Variants in CREBZF observed in about 807,000 individuals in gnomAD.
The protein encoded by CREBZF is HCF-binding transcription factor Zhangfei.
CREBZF carries 8 observed loss-of-function variants against 21.1 expected under a neutral mutation model. That is an observed-to-expected ratio of 0.38 (90% confidence interval 0.22 to 0.68). CREBZF has a LOEUF of 0.68. CREBZF is among the 30% of genes least tolerant of loss of function. The probability of loss-of-function intolerance (pLI) is 0.51; values close to 1 mark genes in which losing one functional copy is unlikely to be tolerated. For missense variants in CREBZF, 518 were observed against 484.3 expected, an observed-to-expected ratio of 1.07 and a Z score of -0.65; for synonymous variants, 270 against 223.3, an observed-to-expected ratio of 1.21 and a Z score of -1.86.
Position 85,664,484 on chromosome 11 carries a change from G to A in CREBZF, c.392C>T (p.Ser131Phe), listed in dbSNP as rs771882684. The A allele has an allele frequency of 1.9e-6, 3 of 1,613,734 alleles. No individual in the cohort carries two copies. Among genetic ancestry groups the A allele is most frequent in the Admixed American group, 3.3e-5 (2 of 60,014 alleles). ...GCTATCCGAGCCTCCGCCAGACGAG[G>A]AGAGAGGCCCCGGCGAGCTAAGCCC... ...DPGLSSPGPL[S>F]SSGGGSDSGG... The change falls in exon 1 of 1, where the codon TCC becomes TTC. Residue 131 changes from serine (S) to phenylalanine (F), a missense_variant. Transcript: ENST00000527447. The surrounding 1 kb of genome is among the most constrained non-coding windows in gnomAD (Gnocchi z 5.5).
At chr11:85,673,160 T>G (rs2082923222) in intron 1 of CREBZF, among the ~76,000 whole-genome samples, 3 of 152,300 alleles carry the variant, frequency 2.0e-5, no homozygotes, top group Admixed American at 1.3e-4. Flanking sequence ...TGAATCCAAG[T>G]CTATCAGATC....
In CREBZF at chr11:85,662,520, C is replaced by CAAA. The variant is rs1182259217; in HGVS notation, c.*1290_*1291insTTT. On this transcript the variant is annotated 3_prime_UTR_variant, in exon 1 of 1. Coordinates refer to ENST00000527447, the MANE Select transcript of CREBZF (RefSeq NM_001039618.4). ...TATACTTTATCAAGCAGTGATGTTTCACAAAGAATTTCTTAATGCCTCTTA... is the reference window on the plus strand; with the variant it reads ...TATACTTTATCAAGCAGTGATGTTTCAAAACAAAGAATTTCTTAATGCCTCTTA... The CAAA allele has an allele frequency of 8.7e-6, 6 of 685,738 alleles. No individual in the cohort carries two copies. The highest frequency in any genetic ancestry group is 1.8e-5 in the African/African-American group (1 of 56,072). The allele number at this position is 685,738 out of a possible 1,614,324, so 42.5% of individuals were successfully genotyped here. A position where few individuals can be genotyped will look rare whatever the true frequency, so the allele number is the denominator to read the frequency against.
At chr11:85,665,388 A>C (rs1350537947), upstream of CREBZF, among the ~76,000 whole-genome samples, 1 of 151,680 alleles carries the variant, frequency 6.6e-6, no homozygotes, top group African/African-American at 2.4e-5. Flanking sequence ...TTTTTTGCTG[A>C]ATCATCCTAA....
intron 1 of CREBZF, among the ~76,000 whole-genome samples, chr11:85,676,970 C>CTTTTTTTTTTTTT (rs1422368391): frequency 0.14 from 16,597 of 116,254 alleles, 1,987 homozygotes; most frequent in African/African-American, 0.22. Flanking sequence ...CTTTTTCTGT[C>CTTTTTTTTTTTTT]TTTTTTTTTT....
Position 85,663,237 on chromosome 11 carries a change from C to G in CREBZF, c.*574G>C, listed in dbSNP as rs1000515093. On this transcript the variant is annotated 3_prime_UTR_variant, in exon 1 of 1. Coordinates refer to ENST00000527447, the MANE Select transcript of CREBZF (RefSeq NM_001039618.4). ...GCAGGTTTCAGTGTACAGTTGGAACCGATGTCATCCAAGGCCATGTCCACA... is the reference window on the plus strand; with the variant it reads ...GCAGGTTTCAGTGTACAGTTGGAACGGATGTCATCCAAGGCCATGTCCACA... 1 of 451,626 alleles carries G rather than the reference C, an allele frequency of 2.2e-6. No homozygotes were observed. Among genetic ancestry groups the G allele is most frequent in the East Asian group, 3.9e-5 (1 of 25,782 alleles). 28.0% of individuals were successfully genotyped at this position (451,626 alleles called of 1,614,324 possible). A position where few individuals can be genotyped will look rare whatever the true frequency, so the allele number is the denominator to read the frequency against.
rs1256999208 is a variant in CREBZF at position 85,662,575 on chromosome 11, C to CGTAT, written c.*1235_*1236insATAC. The CGTAT allele has an allele frequency of 8.7e-6, 5 of 574,654 alleles. No homozygotes were observed. Among genetic ancestry groups the CGTAT allele is most frequent in the Non-Finnish European group, 1.6e-5 (5 of 313,174 alleles). 35.6% of individuals were successfully genotyped at this position (574,654 alleles called of 1,614,324 possible). ...GAAGGACACCATAATTCAATTTATA[C>CGTAT]AACTGGTTAATAGATTCAAGGGAAT... On this transcript the variant is annotated 3_prime_UTR_variant, in exon 1 of 1. Transcript: ENST00000527447.
intron 1 of CREBZF, chr11:85,682,602 C>CACA: frequency 2.9e-6 from 1 of 346,462 alleles, no homozygotes; most frequent in Non-Finnish European, 4.9e-6. Context: ...ACCCCCTGCC[C>CACA]TACTCCCCCC....
intron 1 of CREBZF, among the ~76,000 whole-genome samples, chr11:85,674,922 A>G (rs570963641): frequency 6.6e-6 from 1 of 152,306 alleles, no homozygotes; most frequent in African/African-American, 2.4e-5. Flanking sequence ...AAACCTCATG[A>G]ACCAACCTCT....
At chr11:85,679,739 A>G (rs2082964539) in intron 1 of CREBZF, among the ~76,000 whole-genome samples, 1 of 152,232 alleles carries the variant, frequency 6.6e-6, no homozygotes, top group African/African-American at 2.4e-5. Context: ...ATGTGGTTGA[A>G]CATTTGTGGA....
intron 1 of CREBZF, among the ~76,000 whole-genome samples, chr11:85,679,275 C>T (rs966192680): frequency 2.0e-5 from 3 of 152,190 alleles, no homozygotes; most frequent in Admixed American, 6.5e-5. Flanking sequence ...GCTGGAGGAA[C>T]CTGCTATGCA....
Position 85,664,528 on chromosome 11 carries a change from C to T in CREBZF, c.348G>A (p.Pro116=), listed in dbSNP as rs768728855. ...TAAGCCCGGGGTCCAGGTGCCAGTCCGGTTGCCTGGGGTCCAGGAGATCCG... is the reference window on the plus strand; with the variant it reads ...TAAGCCCGGGGTCCAGGTGCCAGTCTGGTTGCCTGGGGTCCAGGAGATCCG... The part of the protein sequence containing the change: ...ELADLLDPRQ[P]DWHLDPGLSS... The change falls in exon 1 of 1, where the codon CCG becomes CCA. Residue 116 remains proline (P), a synonymous_variant. Coordinates refer to ENST00000527447, the MANE Select transcript of CREBZF (RefSeq NM_001039618.4). This position sits in a 1 kb window ranked among gnomAD's most constrained non-coding sequence, Gnocchi z 5.5. 2 of 1,613,764 alleles carry T rather than the reference C, an allele frequency of 1.2e-6. No individual in the cohort carries two copies. Among genetic ancestry groups the T allele is most frequent in the South Asian group, 1.1e-5 (1 of 91,070 alleles).
At position 85,662,587 on chromosome 11, in the gene CREBZF, A is replaced by G. The variant is rs1045758539; in HGVS notation, c.*1224T>C. 5.4e-6 allele frequency: 3 copies of G among 551,070 alleles called. No homozygotes were observed. In the African/African-American group the frequency reaches 5.6e-5, roughly 10 times the overall value. 34.1% of individuals were successfully genotyped at this position (551,070 alleles called of 1,614,324 possible). On this transcript the variant is annotated 3_prime_UTR_variant, in exon 1 of 1. Coordinates refer to ENST00000527447, the MANE Select transcript of CREBZF (RefSeq NM_001039618.4). ...AATTCAATTTATACAACTGGTTAATAGATTCAAGGGAATAAATCCCACCTT... is the reference window on the plus strand; with the variant it reads ...AATTCAATTTATACAACTGGTTAATGGATTCAAGGGAATAAATCCCACCTT...
Position 85,663,903 on chromosome 11 carries a change from C to T in CREBZF, c.973G>A (p.Gly325Arg). Residue 325 changes from glycine to arginine, a missense_variant, in exon 1 of 1, where the codon GGA becomes AGA. Physicochemically the swap from Gly to Arg is moderately radical, Grantham distance 125. Around this residue, in one of 3 missense-constraint regions of CREBZF, gnomAD observed 114 missense variants for 134.1 expected, o/e 0.85. Coordinates refer to ENST00000527447, the MANE Select transcript of CREBZF (RefSeq NM_001039618.4). The stretch of plus-strand genomic sequence containing the variant: ...TTGTCCACATGGAGACAGACTCCTC[C>T]CGCCGAGTCGTCCTCTTCCAGCAGG... The part of the protein sequence containing the change: ...QDLLEEDDSA[G>R]GVCLHVDKDK... 6.2e-7 allele frequency: 1 copy of T among 1,613,438 alleles called. No individual in the cohort carries two copies. Among genetic ancestry groups the T allele is most frequent in the Non-Finnish European group, 8.5e-7 (1 of 1,180,014 alleles).
chr11:85,665,143 C>T (rs2082841117), upstream of CREBZF: 1 of 401,452 alleles, frequency 2.5e-6, no homozygotes, highest in Non-Finnish European at 4.6e-6. Flanking sequence ...GGTTTTCGCC[C>T]CAGTCCCGCC....
At chr11:85,673,823 T>C (rs2153329416) in intron 1 of CREBZF, among the ~76,000 whole-genome samples, 1 of 152,378 alleles carries the variant, frequency 6.6e-6, no homozygotes, top group South Asian at 2.1e-4. Context: ...CTAAATCCTT[T>C]GTTGTCATTC....
At chr11:85,681,583 C>T (rs1475037932) in intron 1 of CREBZF, among the ~76,000 whole-genome samples, 1 of 152,314 alleles carries the variant, frequency 6.6e-6, no homozygotes, top group East Asian at 1.9e-4. Flanking sequence ...CAAAAAGTCA[C>T]ACCTATCAGC....
At chr11:85,667,462 C>G (rs2082880764), upstream of CREBZF, among the ~76,000 whole-genome samples, 1 of 152,190 alleles carries the variant, frequency 6.6e-6, no homozygotes, top group Non-Finnish European at 1.5e-5. Flanking sequence ...ACTTCCCTAA[C>G]TCATTTTTCT....
chr11:85,680,007 C>A (rs1183034489), intron 1 of CREBZF, among the ~76,000 whole-genome samples: 1 of 152,148 alleles, frequency 6.6e-6, no homozygotes, highest in Non-Finnish European at 1.5e-5. Flanking sequence ...AAATGGTATA[C>A]ATTAAGAAGT....
chr11:85,677,054 C>G (rs2153330045), intron 1 of CREBZF, among the ~76,000 whole-genome samples: 1 of 148,496 alleles, frequency 6.7e-6, no homozygotes, highest in South Asian at 2.1e-4. Context: ...ACCTCCGCCT[C>G]CCAGGTTCAA....
Sources: allele counts gnomAD v4.1 joint callset (sites outside exome capture counted in the v4.1 genomes callset), GRCh38; gene constraint gnomAD v4.1.1; regional missense constraint gnomAD v4.1.1; non-coding constraint Gnocchi (gnomAD v3.1); transcripts MANE v1.5; gene names NCBI Gene and HGNC (gene_info 2026-07-23, HGNC 2026-07-21).